The following GLIS1 variants were observed in gnomAD, a reference collection of about 807,000 sequenced individuals.
GLIS1 encodes GLIS family zinc finger 1, also known as zinc finger protein GLIS1.
Under a neutral mutation model 63.8 loss-of-function variants are expected in GLIS1, and 24 were observed. That is an observed-to-expected ratio of 0.38 (90% CI 0.27 to 0.53). The LOEUF is 0.53. Among genes scored for constraint, GLIS1 ranks in the 20% least tolerant of loss-of-function variants. The pLI, the probability that GLIS1 is intolerant of heterozygous loss-of-function variation, is 0.85. For synonymous variants in GLIS1, 450 were observed against 482.5 expected, an observed-to-expected ratio of 0.93 and a Z score of 0.88; for missense variants, 1,036 against 1,074.1, an observed-to-expected ratio of 0.96 and a Z score of 0.50.
At chr1:53,702,789 G>C (rs1167531839) in intron 2 of GLIS1, among the ~76,000 whole-genome samples, 1 of 152,180 alleles carries the variant, frequency 6.6e-6, no homozygotes, top group Non-Finnish European at 1.5e-5. Context: ...ATAAAACAAA[G>C]AGCCTACCCT....
At position 53,594,887 on chromosome 1, in the gene GLIS1, T is replaced by C. The variant is rs745613071; in HGVS notation, c.541A>G (p.Thr181Ala). Reference sequence around the variant, plus strand: ...CCCCGACAGTGGGCAGACAGGGATGTGCGGGCCTCTGCCATGGCTTGGTAG... The same window carrying C: ...CCCCGACAGTGGGCAGACAGGGATGCGCGGGCCTCTGCCATGGCTTGGTAG... The part of the protein sequence containing the change: ...PDYQAMAEAR[T>A]SLSAHCRGPL... Residue 181 changes from threonine to alanine, a missense_variant, in exon 4 of 11, where the codon ACA (threonine) becomes GCA (alanine). By Grantham distance (58) the Thr-to-Ala change is moderately conservative. Coordinates refer to ENST00000628545, the MANE Select transcript of GLIS1 (RefSeq NM_001367484.1). 2.2e-5 allele frequency: 34 copies of C among 1,541,590 alleles called. No homozygotes were observed. The highest frequency in any genetic ancestry group is 2.9e-5 in the Non-Finnish European group (33 of 1,151,990).
chr1:53,715,996 G>A (rs1646694729), intron 2 of GLIS1, among the ~76,000 whole-genome samples: 1 of 152,192 alleles, frequency 6.6e-6, no homozygotes, highest in Non-Finnish European at 1.5e-5. Context: ...CCCTGGAGAG[G>A]GCGAGAGTCG....
At chr1:53,580,111 G>C (rs1048816755) in intron 4 of GLIS1, among the ~76,000 whole-genome samples, 14 of 152,292 alleles carry the variant, frequency 9.2e-5, no homozygotes, top group South Asian at 4.1e-4. Context: ...GGCCTCTTGA[G>C]GGGTGGCTAT....
chr1:53,645,210 G>A lies in GLIS1; in HGVS notation c.260-44932C>T, dbSNP rs182435614. Among the ~76,000 whole-genome samples the A allele has an allele frequency of 5.1e-4, 77 of 152,172 alleles. 1 individual carries two copies. The highest frequency in any genetic ancestry group is 7.8e-4 in the Non-Finnish European group (53 of 68,002). ...ATCTGCATGGGTCCTTCCATATTTCGGATCTTGATTCACACATTGCATGAA... is the reference window on the plus strand; with the variant it reads ...ATCTGCATGGGTCCTTCCATATTTCAGATCTTGATTCACACATTGCATGAA... On this transcript the variant is annotated intron_variant, in intron 2 of 10. Coordinates refer to ENST00000628545, the MANE Select transcript of GLIS1 (RefSeq NM_001367484.1).
At chr1:53,510,607 C>T (rs1485587293) in intron 8 of GLIS1, among the ~76,000 whole-genome samples, 1 of 152,190 alleles carries the variant, frequency 6.6e-6, no homozygotes, top group East Asian at 1.9e-4. Context: ...GCCCAAGTTA[C>T]TCCCAGCCAC....
At chr1:53,686,179 G>A (rs72896796) in intron 2 of GLIS1, among the ~76,000 whole-genome samples, 3,643 of 152,230 alleles carry the variant, frequency 0.024, 146 homozygotes, top group African/African-American at 0.082. Context: ...CCCACGGAGC[G>A]GAGCTATGAC....
intron 4 of GLIS1, among the ~76,000 whole-genome samples, chr1:53,577,713 G>A (rs11585273): frequency 0.19 from 29,333 of 152,112 alleles, 3,821 homozygotes; most frequent in African/African-American, 0.37. Flanking sequence ...CTGGGATCCT[G>A]CCTGTTTTGA....
At chr1:53,711,598 A>G (rs1467135457) in intron 2 of GLIS1, among the ~76,000 whole-genome samples, 1 of 152,216 alleles carries the variant, frequency 6.6e-6, no homozygotes, top group East Asian at 1.9e-4. Context: ...TTCTTTTATT[A>G]GTCCTTATGC....
rs562015972 is a variant in GLIS1 at position 53,721,911 on chromosome 1, T to C, written c.259+15895A>G. Among the ~76,000 whole-genome samples the C allele has an allele frequency of 5.3e-5, 8 of 152,298 alleles. No individual in the cohort carries two copies. In the South Asian group the frequency reaches 1.7e-3, roughly 32 times the overall value. ...ATAAAAATATTAGTAACAAATATGA[T>C]GAACAAAGGCATTAACATCCCTAAT... On this transcript the variant is annotated intron_variant, in intron 2 of 10. Coordinates refer to ENST00000628545, the MANE Select transcript of GLIS1 (RefSeq NM_001367484.1).
At chr1:53,509,377 G>A (rs999623337) in intron 9 of GLIS1, 90 bp from the exon 10 acceptor site, 23 of 1,281,002 alleles carry the variant, frequency 1.8e-5, no homozygotes, top group Non-Finnish European at 2.2e-5. Context: ...TCCACCTCCC[G>A]TGTTGTCCTG....
At chr1:53,619,800 T>G (rs1645521965) in intron 2 of GLIS1, among the ~76,000 whole-genome samples, 1 of 152,218 alleles carries the variant, frequency 6.6e-6, no homozygotes, top group Non-Finnish European at 1.5e-5. Flanking sequence ...AAAACAGATC[T>G]AAAAGATAAT....
chr1:53,688,882 A>G (rs2100452868), intron 2 of GLIS1: 1 of 152,334 alleles, frequency 6.6e-6, no homozygotes, highest in South Asian at 2.1e-4. Flanking sequence ...CACCTTGAGG[A>G]CACCTGCTGG....
At chr1:53,633,514 G>A (rs1023230760) in intron 2 of GLIS1, among the ~76,000 whole-genome samples, 7 of 151,876 alleles carry the variant, frequency 4.6e-5, no homozygotes, top group African/African-American at 1.5e-4. Context: ...GTGAATGAGT[G>A]TGACTGAAGT....
At chr1:53,542,731 CT>C (rs1644656525) in intron 4 of GLIS1, among the ~76,000 whole-genome samples, 1 of 152,226 alleles carries the variant, frequency 6.6e-6, no homozygotes, top group Non-Finnish European at 1.5e-5. Context: ...CCCTTCACCC[CT>C]GGGGCTACGC....
intron 2 of GLIS1, among the ~76,000 whole-genome samples, chr1:53,691,142 G>C (rs1471704685): frequency 6.6e-6 from 1 of 152,122 alleles, no homozygotes; most frequent in Non-Finnish European, 1.5e-5. Context: ...GATCACTCAA[G>C]GCCAGGAGTT....
intron 2 of GLIS1, among the ~76,000 whole-genome samples, chr1:53,610,426 G>A (rs1301272234): frequency 2.0e-5 from 3 of 152,170 alleles, no homozygotes; most frequent in Non-Finnish European, 4.4e-5. Flanking sequence ...CATTACTTCT[G>A]AAGAATATTT....
In GLIS1 at chr1:53,506,609, G is replaced by T. The variant is rs781132272; in HGVS notation, c.*10C>A. ...CAGTGCTGGATGGGCAGGCGCATGT[G>T]GGGGCTCCTTCAGGTGTCTGTGTAG... On this transcript the variant is annotated 3_prime_UTR_variant, in exon 11 of 11. Coordinates refer to ENST00000628545, the MANE Select transcript of GLIS1 (RefSeq NM_001367484.1). The T allele has an allele frequency of 1.9e-6, 3 of 1,612,870 alleles. No homozygotes were observed. Among genetic ancestry groups the T allele is most frequent in the South Asian group, 1.1e-5 (1 of 91,048 alleles).
intron 2 of GLIS1, among the ~76,000 whole-genome samples, chr1:53,694,086 C>T (rs1323194835): frequency 6.6e-6 from 1 of 152,198 alleles, no homozygotes; most frequent in Non-Finnish European, 1.5e-5. Flanking sequence ...CACACAGGTG[C>T]CCAGTGCTGC....
intron 2 of GLIS1, among the ~76,000 whole-genome samples, chr1:53,713,958 C>T (rs759195756): frequency 8.5e-5 from 13 of 152,240 alleles, no homozygotes; most frequent in Non-Finnish European, 1.5e-4. Context: ...GAGGGCCTCA[C>T]CTGTGCCCCA....
Sources: allele counts gnomAD v4.1 joint callset (sites outside exome capture counted in the v4.1 genomes callset), GRCh38; gene constraint gnomAD v4.1.1; transcripts MANE v1.5; gene names NCBI Gene and HGNC (gene_info 2026-07-23, HGNC 2026-07-21).